The following ANKS1B variants were observed in gnomAD, a reference collection of about 807,000 sequenced individuals.
ANKS1B encodes the protein ankyrin repeat and sterile alpha motif domain containing 1B, also known as ankyrin repeat and sterile alpha motif domain-containing protein 1B.
ANKS1B carries 36 observed loss-of-function variants against 148.3 expected under a neutral mutation model. The ratio of observed to expected loss-of-function variants is 0.24; its 90% CI spans 0.19 to 0.32. ANKS1B has a LOEUF of 0.32. Ranked by LOEUF, ANKS1B falls within the 10% of genes least tolerant of loss-of-function variation. The pLI, the probability that ANKS1B is intolerant of heterozygous loss-of-function variation, is 1.00. For synonymous variants in ANKS1B, 542 were observed against 560.8 expected (o/e 0.97, Z 0.47); for missense variants, 1,157 against 1,542.6 (o/e 0.75, Z 4.19).
intron 8 of ANKS1B, among the ~76,000 whole-genome samples, chr12:99,711,326 G>C (rs993364774): frequency 2.0e-5 from 3 of 151,944 alleles, no homozygotes; most frequent in South Asian, 2.1e-4. Flanking sequence ...TCATATGCAA[G>C]TTTGTTATAT....
intron 8 of ANKS1B, among the ~76,000 whole-genome samples, chr12:99,740,667 C>G (rs1162082039): frequency 1.3e-5 from 2 of 152,100 alleles, no homozygotes; most frequent in Admixed American, 6.5e-5. Context: ...ATGCAGAAGG[C>G]GGGTGATTTC....
chr12:99,219,293 T>C (rs1350838812), intron 14 of ANKS1B, among the ~76,000 whole-genome samples: 2 of 152,204 alleles, frequency 1.3e-5, no homozygotes, highest in Non-Finnish European at 2.9e-5. Context: ...TCTCCCAGTC[T>C]CTCACTGATT....
chr12:99,240,734 T>C (rs1213945376), intron 14 of ANKS1B, among the ~76,000 whole-genome samples: 1 of 152,152 alleles, frequency 6.6e-6, no homozygotes, highest in Non-Finnish European at 1.5e-5. Context: ...GAACTCAGGA[T>C]TAAGAAATTC....
chr12:98,820,428 A>G (rs1449166284), intron 19 of ANKS1B, among the ~76,000 whole-genome samples: 1 of 152,204 alleles, frequency 6.6e-6, no homozygotes, highest in Non-Finnish European at 1.5e-5. Flanking sequence ...ATTTCCCTAA[A>G]AAACTGGAGA....
At chr12:99,294,152 G>A (rs943465784) in intron 12 of ANKS1B, among the ~76,000 whole-genome samples, 3 of 152,196 alleles carry the variant, frequency 2.0e-5, no homozygotes, top group South Asian at 2.1e-4. Flanking sequence ...ACCACCATAT[G>A]TTCCAGCAAT....
At chr12:99,205,551 C>T (rs2082564572) in intron 14 of ANKS1B, among the ~76,000 whole-genome samples, 3 of 152,170 alleles carry the variant, frequency 2.0e-5, no homozygotes, top group Admixed American at 2.0e-4. Flanking sequence ...TGTTACTGAG[C>T]CCTTTTCAGG....
At chr12:99,656,554 G>A (rs934159346) in intron 8 of ANKS1B, among the ~76,000 whole-genome samples, 2 of 152,046 alleles carry the variant, frequency 1.3e-5, no homozygotes, top group Non-Finnish European at 2.9e-5. Context: ...AAAAATCTGA[G>A]AAAATTTCCC....
At chr12:99,891,266 C>G (rs1199748762) in intron 1 of ANKS1B, among the ~76,000 whole-genome samples, 2 of 152,140 alleles carry the variant, frequency 1.3e-5, no homozygotes, top group African/African-American at 2.4e-5. Context: ...TTCTCCATAT[C>G]AATGCCAAAA....
intron 1 of ANKS1B, among the ~76,000 whole-genome samples, chr12:99,920,226 A>G (rs1603458629): frequency 6.6e-6 from 1 of 152,172 alleles, no homozygotes; most frequent in African/African-American, 2.4e-5. Flanking sequence ...TATAAAATAT[A>G]TAGGAATGAA....
chr12:99,188,046 T>C (rs1239280816), intron 14 of ANKS1B, among the ~76,000 whole-genome samples: 2 of 151,384 alleles, frequency 1.3e-5, no homozygotes, highest in African/African-American at 4.8e-5. Flanking sequence ...GTTGCAATCC[T>C]AGTCTCTGAT....
At chr12:98,966,100 A>G (rs974548719) in intron 17 of ANKS1B, among the ~76,000 whole-genome samples, 8 of 152,250 alleles carry the variant, frequency 5.3e-5, no homozygotes, top group Non-Finnish European at 1.0e-4. Context: ...CTACCATCAG[A>G]GTGAACAGGC....
chr12:99,286,607 G>A (rs1260292330), intron 12 of ANKS1B, among the ~76,000 whole-genome samples: 1 of 152,086 alleles, frequency 6.6e-6, no homozygotes, highest in Non-Finnish European at 1.5e-5. Flanking sequence ...GTTTCCAAGG[G>A]TCCCCAGTTC....
At chr12:99,026,346 C>A (rs2099948749) in intron 17 of ANKS1B, among the ~76,000 whole-genome samples, 1 of 152,152 alleles carries the variant, frequency 6.6e-6, no homozygotes, top group South Asian at 2.1e-4. Flanking sequence ...CATATTAGTT[C>A]ACACTTACGC....
At chr12:99,261,555 T>G (rs1378989530) in intron 12 of ANKS1B, among the ~76,000 whole-genome samples, 1 of 152,168 alleles carries the variant, frequency 6.6e-6, no homozygotes, top group Non-Finnish European at 1.5e-5. Context: ...CACTCCAGAC[T>G]TGTATATCCT....
chr12:99,551,908 C>G (rs1034979268), intron 9 of ANKS1B, among the ~76,000 whole-genome samples: 1 of 152,092 alleles, frequency 6.6e-6, no homozygotes, highest in Non-Finnish European at 1.5e-5. Context: ...TAATCTGACT[C>G]CTGCTTGCCT....
At chr12:99,087,521 A>T (rs1318420509) in intron 15 of ANKS1B, among the ~76,000 whole-genome samples, 2 of 152,268 alleles carry the variant, frequency 1.3e-5, no homozygotes, top group Non-Finnish European at 2.9e-5. Flanking sequence ...TACTCAGTGC[A>T]CACAACAGAG....
intron 12 of ANKS1B, among the ~76,000 whole-genome samples, chr12:99,267,752 TA>T (rs1184464970): frequency 6.6e-6 from 1 of 152,102 alleles, no homozygotes; most frequent in Admixed American, 6.6e-5. Context: ...GAAGACAAAA[TA>T]AAATCTTTCC....
chr12:99,691,346 A>T (rs1255397499), intron 8 of ANKS1B, among the ~76,000 whole-genome samples: 1 of 152,204 alleles, frequency 6.6e-6, no homozygotes, highest in African/African-American at 2.4e-5. Flanking sequence ...TTTCTGCATC[A>T]GGCTTGAATT....
chr12:99,115,225 C>T (rs538359804), intron 15 of ANKS1B, among the ~76,000 whole-genome samples: 1 of 152,240 alleles, frequency 6.6e-6, no homozygotes, highest in African/African-American at 2.4e-5. Flanking sequence ...AACTTAAATG[C>T]CCATCAATGA....
Sources: gnomAD v4.1 joint callset for allele counts (sites outside exome capture counted in the v4.1 genomes callset) on GRCh38, gnomAD v4.1.1 for gene constraint, MANE v1.5 for transcripts, NCBI Gene and HGNC (gene_info 2026-07-23, HGNC 2026-07-21) for gene names.